The following CFAP251 variants were observed in gnomAD, a reference collection of about 807,000 sequenced individuals.
The protein encoded by CFAP251 is cilia and flagella associated protein 251, also known as cilia- and flagella-associated protein 251.
Under a neutral mutation model 126.7 loss-of-function variants are expected in CFAP251, and 93 were observed. The ratio of observed to expected loss-of-function variants is 0.73; its 90% confidence interval spans 0.62 to 0.87. The LOEUF (loss-of-function observed/expected upper bound fraction) is 0.87. Among genes scored for constraint, CFAP251 ranks in the 40% least tolerant of loss-of-function variants. The pLI is 0.00. For synonymous variants in CFAP251, 503 were observed against 506.9 expected, an observed-to-expected ratio of 0.99 and a Z score of 0.10; for missense variants, 1,287 against 1,389.2, an observed-to-expected ratio of 0.93 and a Z score of 1.17.
intron 3 of CFAP251, among the ~76,000 whole-genome samples, chr12:121,926,021 ATTTTTTTTT>A (rs35760212): frequency 3.1e-5 from 3 of 97,512 alleles, no homozygotes; most frequent in African/African-American, 1.2e-4. Context: ...ATTTTTTGTA[ATTTTTTTTT>A]TTTTTTTTTT....
At chr12:121,934,174 G>T (rs1057432639) in intron 4 of CFAP251, 73 bp from the exon 5 acceptor site, 1 of 1,161,660 alleles carries the variant, frequency 8.6e-7, no homozygotes, top group East Asian at 2.5e-5. Context: ...GTGGGTCCCC[G>T]GCCTTTGCTG....
chr12:121,926,021 A>ATTTTTTTTTTTTT, intron 3 of CFAP251, among the ~76,000 whole-genome samples: 1 of 97,512 alleles, frequency 1.0e-5, no homozygotes, highest in Non-Finnish European at 2.0e-5. Flanking sequence ...ATTTTTTGTA[A>ATTTTTTTTTTTTT]TTTTTTTTTT....
At chr12:121,970,421 G>A (rs528856972) in intron 17 of CFAP251, among the ~76,000 whole-genome samples, 1 of 152,190 alleles carries the variant, frequency 6.6e-6, no homozygotes, top group South Asian at 2.1e-4. Context: ...ATGACGCCAG[G>A]CAAGTCCCTT....
rs553835690 is a variant in CFAP251 at position 121,942,421 on chromosome 12, C to G, written c.999-113C>G. Reference sequence around the variant, plus strand: ...AGAAAGATTCCACTGTATGGATAGACCACATTTTGTTCTGTTTTGGAGAGG... The same window carrying G: ...AGAAAGATTCCACTGTATGGATAGAGCACATTTTGTTCTGTTTTGGAGAGG... On this transcript the variant is annotated intron_variant, in intron 5 of 21. Coordinates refer to ENST00000288912, the MANE Select transcript of CFAP251 (RefSeq NM_144668.6). The G allele has an allele frequency of 2.0e-5, 13 of 642,164 alleles. No homozygotes were observed. The Admixed American group carries it at 2.2e-4, about 11-fold the overall frequency. The allele number at this position is 642,164 out of a possible 1,614,324, so 39.8% of individuals were successfully genotyped here. A position where few individuals can be genotyped will look rare whatever the true frequency, so the allele number is the denominator to read the frequency against.
At chr12:121,933,817 T>A (rs925079393) in intron 4 of CFAP251, among the ~76,000 whole-genome samples, 1 of 152,016 alleles carries the variant, frequency 6.6e-6, no homozygotes, top group African/African-American at 2.4e-5. Flanking sequence ...AGACCCTGCC[T>A]CAAACAAACA....
chr12:121,938,598 G>A (rs1013483071), intron 5 of CFAP251, among the ~76,000 whole-genome samples: 4 of 150,244 alleles, frequency 2.7e-5, no homozygotes, highest in African/African-American at 4.9e-5. Context: ...CCAAAGTGCT[G>A]GGATTACAGG....
intron 19 of CFAP251, among the ~76,000 whole-genome samples, chr12:121,977,477 G>A (rs1882488606): frequency 6.6e-6 from 1 of 152,022 alleles, no homozygotes. Flanking sequence ...TGGCTAACAT[G>A]GTGAAGCCCT....
chr12:121,946,784 G>A (rs1881342481), intron 7 of CFAP251, among the ~76,000 whole-genome samples: 1 of 151,294 alleles, frequency 6.6e-6, no homozygotes, highest in East Asian at 1.9e-4. Flanking sequence ...TCGCTGTGTT[G>A]CCCAGGCTGG....
Position 121,962,119 on chromosome 12 carries a change from G to A in CFAP251, c.2449G>A (p.Gly817Ser). The change falls in exon 15 of 22, where the codon GGC (glycine) becomes AGC (serine). Residue 817 changes from glycine to serine, a missense_variant. By Grantham distance (56) the Gly-to-Ser change is moderately conservative. Coordinates refer to ENST00000288912, the MANE Select transcript of CFAP251 (RefSeq NM_144668.6). Reference protein sequence around the residue: ...RELFLLICNSGYKVKLFNATT... With the variant: ...RELFLLICNSSYKVKLFNATT... ...ACTCTTCCTGCTTATTTGCAACAGT[G>A]GCTACAAAGTGAAGCTTTTTAATGC... The A allele has an allele frequency of 6.2e-7, 1 of 1,613,808 alleles. No individual in the cohort carries two copies.
At chr12:121,971,945 T>C in intron 17 of CFAP251, 1 of 267,522 alleles carries the variant, frequency 3.7e-6, no homozygotes, top group South Asian at 4.7e-5. Context: ...AGGGGAAACC[T>C]GTTTCACTTG....
intron 17 of CFAP251, among the ~76,000 whole-genome samples, chr12:121,970,636 T>G (rs1178258533): frequency 1.3e-5 from 2 of 152,250 alleles, no homozygotes. Flanking sequence ...ATTTCCCTTT[T>G]GTGCCCTAAT....
chr12:121,962,699 GAA>G (rs4069667), intron 15 of CFAP251, among the ~76,000 whole-genome samples: 36,612 of 113,952 alleles, frequency 0.32, 5,751 homozygotes, highest in East Asian at 0.5. Flanking sequence ...GTGCAAAGAA[GAA>G]AAAAAAAAAA....
intron 7 of CFAP251, among the ~76,000 whole-genome samples, chr12:121,943,904 A>G (rs1367980680): frequency 6.6e-6 from 1 of 152,192 alleles, no homozygotes; most frequent in African/African-American, 2.4e-5. Flanking sequence ...ACTACCATTA[A>G]TTATTAAATA....
intron 3 of CFAP251, among the ~76,000 whole-genome samples, 199 bp from the exon 4 acceptor site, chr12:121,931,547 A>G (rs1254838776): frequency 6.6e-6 from 1 of 152,162 alleles, no homozygotes; most frequent in African/African-American, 2.4e-5. Flanking sequence ...TCCCGACTTC[A>G]GGTAATCCAC....
intron 17 of CFAP251, chr12:121,969,405 C>A: frequency 2.0e-6 from 2 of 985,386 alleles, no homozygotes; most frequent in Non-Finnish European, 1.2e-6. Flanking sequence ...AGAATGGCTG[C>A]CTGGTTCCTT....
At position 121,967,006 on chromosome 12, in the gene CFAP251, C is replaced by T. The variant is rs1177418040; in HGVS notation, c.2544C>T (p.Val848=). The T allele has an allele frequency of 6.2e-7, 1 of 1,614,228 alleles. No homozygotes were observed. Among genetic ancestry groups the T allele is most frequent in the Non-Finnish European group, 8.5e-7 (1 of 1,180,028 alleles). ...GTTCCCCTATTGAGCAGACACAAGT[C>T]CTCCCAGTGAGAAGCATGGCGGAGC... is the stretch of plus-strand genomic sequence containing the variant. ...AYGSPIEQTQ[V]LPVRSMAELQ... Residue 848 remains valine (V), a synonymous_variant, in exon 16 of 22, where the codon GTC becomes GTT. Coordinates refer to ENST00000288912, the MANE Select transcript of CFAP251 (RefSeq NM_144668.6).
chr12:121,983,513 A>T (rs980787590), intron 19 of CFAP251, among the ~76,000 whole-genome samples: 4 of 152,232 alleles, frequency 2.6e-5, no homozygotes, highest in Non-Finnish European at 4.4e-5. Context: ...CTGATGAAGA[A>T]AAGGTATCCG....
chr12:121,993,780 C>CTG (rs1882944538), intron 19 of CFAP251, among the ~76,000 whole-genome samples: 1 of 148,428 alleles, frequency 6.7e-6, no homozygotes, highest in African/African-American at 2.5e-5. Flanking sequence ...GCCAGCACCC[C>CTG]GTCCGGGAGG....
chr12:121,954,185 C>G lies in CFAP251; in HGVS notation c.1386C>G (p.Leu462=), dbSNP rs11043266. 7 of 1,614,164 alleles carry G rather than the reference C, an allele frequency of 4.3e-6. No homozygotes were observed. Among genetic ancestry groups the G allele is most frequent in the Non-Finnish European group, 5.9e-6 (7 of 1,180,032 alleles). ...SIFHLNLTQI[L]SATMEGKLVV... ...TTCACTTGAATTTAACACAAATACTCTCAGCCACAATGGAAGGGAAGCTGG... is the reference window on the plus strand; with the variant it reads ...TTCACTTGAATTTAACACAAATACTGTCAGCCACAATGGAAGGGAAGCTGG... The change falls in exon 10 of 22, where the codon CTC becomes CTG. Residue 462 remains leucine, a synonymous_variant. Coordinates refer to ENST00000288912, the MANE Select transcript of CFAP251 (RefSeq NM_144668.6).
Sources: allele counts gnomAD v4.1 joint callset (sites outside exome capture counted in the v4.1 genomes callset), GRCh38; gene constraint gnomAD v4.1.1; transcripts MANE v1.5; gene names NCBI Gene and HGNC (gene_info 2026-07-23, HGNC 2026-07-21).